SCRN3: variants seen among roughly 807,000 people sequenced by gnomAD.
SCRN3 encodes secernin 3.
SCRN3 carries 39 observed loss-of-function variants against 43.1 expected under a neutral mutation model. The ratio of observed to expected loss-of-function variants is 0.91; its 90% CI spans 0.70 to 1.18. The LOEUF (loss-of-function observed/expected upper bound fraction) is 1.18. Among genes scored for constraint, SCRN3 ranks in the 50% most tolerant of loss-of-function variants. The pLI, the probability that SCRN3 is intolerant of heterozygous loss-of-function variation, is 0.00. For synonymous variants in SCRN3, 147 were observed against 163.1 expected, an observed-to-expected ratio of 0.90 and a Z score of 0.75; for missense variants, 484 against 498.0, an observed-to-expected ratio of 0.97 and a Z score of 0.27.
intron 5 of SCRN3, among the ~76,000 whole-genome samples, chr2:174,413,586 C>CTTTTTTT (rs10524979): frequency 3.3e-5 from 3 of 90,226 alleles, no homozygotes; most frequent in East Asian, 5.0e-4. Flanking sequence ...TTTGTCTTTC[C>CTTTTTTT]TTTTTTTTTT....
At chr2:174,420,418 C>A (rs1686257873) in intron 5 of SCRN3, among the ~76,000 whole-genome samples, 1 of 152,028 alleles carries the variant, frequency 6.6e-6, no homozygotes, top group African/African-American at 2.4e-5. Context: ...TCATGCAGAG[C>A]CTCTGTAAAA....
intron 5 of SCRN3, among the ~76,000 whole-genome samples, chr2:174,419,528 C>T (rs1158504770): frequency 6.6e-6 from 1 of 152,052 alleles, no homozygotes; most frequent in Non-Finnish European, 1.5e-5. Context: ...TACAGGCATG[C>T]ATTACCACAC....
intron 5 of SCRN3, among the ~76,000 whole-genome samples, chr2:174,413,778 A>G (rs1457896361): frequency 1.3e-5 from 2 of 151,574 alleles, no homozygotes; most frequent in East Asian, 3.9e-4. Context: ...TTTAGTAGAG[A>G]TGGGGTTTCA....
chr2:174,415,893 C>T (rs1454767854), intron 5 of SCRN3, among the ~76,000 whole-genome samples: 1 of 152,160 alleles, frequency 6.6e-6, no homozygotes, highest in Admixed American at 6.5e-5. Flanking sequence ...CATCTGCCCA[C>T]CTTGGCCTAT....
intron 3 of SCRN3, 109 bp downstream of exon 3, chr2:174,400,212 A>G (rs1327632580): frequency 2.6e-6 from 2 of 775,110 alleles, no homozygotes. Flanking sequence ...GATACTTTGC[A>G]GTTTGTGTCA....
At chr2:174,400,781 G>T (rs1175860190) in intron 3 of SCRN3, among the ~76,000 whole-genome samples, 1 of 152,214 alleles carries the variant, frequency 6.6e-6, no homozygotes, top group East Asian at 1.9e-4. Flanking sequence ...TACCAACTTC[G>T]AATTTGATAG....
At chr2:174,422,845 A>G (rs1054828881) in intron 5 of SCRN3, 40 bp from the exon 6 acceptor site, 3 of 1,331,554 alleles carry the variant, frequency 2.3e-6, no homozygotes, top group Admixed American at 1.8e-5. Context: ...GCATCCGTAT[A>G]TGCATATGTA....
intron 5 of SCRN3, among the ~76,000 whole-genome samples, chr2:174,420,439 T>G (rs764089335): frequency 5.9e-5 from 9 of 152,074 alleles, no homozygotes; most frequent in Non-Finnish European, 8.8e-5. Flanking sequence ...TTTCATTCAA[T>G]GGAAAGTATC....
intron 3 of SCRN3, 142 bp from the exon 4 acceptor site, chr2:174,400,848 A>T (rs551720118): frequency 3.3e-5 from 23 of 702,994 alleles, no homozygotes; most frequent in Non-Finnish European, 1.8e-5. Context: ...TCAGAAGGAA[A>T]AGTTTTAAAG....
At chr2:174,406,877 AT>A (rs1326006632) in intron 5 of SCRN3, among the ~76,000 whole-genome samples, 7 of 129,688 alleles carry the variant, frequency 5.4e-5, no homozygotes, top group African/African-American at 1.6e-4. Context: ...TTTATTGAGG[AT>A]TTTTGCATCA....
rs905134890 is a variant in SCRN3 at position 174,400,470 on chromosome 2, A to T, written c.341+367A>T. Reference sequence around the variant, plus strand: ...CCTGGCTAATTTTTAATTAAAAAAAATTTTTTTTTCAGAGACTAGGGTCTT... The same window carrying T: ...CCTGGCTAATTTTTAATTAAAAAAATTTTTTTTTTCAGAGACTAGGGTCTT... On this transcript the variant is annotated intron_variant, in intron 3 of 7. Transcript: ENST00000272732. 1.6e-3 allele frequency among the ~76,000 whole-genome samples: 235 copies of T among 151,252 alleles called. 1 individual carries two copies. The highest frequency in any genetic ancestry group is 2.7e-3 in the African/African-American group (113 of 41,154).
chr2:174,396,372 T>C (rs535708592), intron 1 of SCRN3: 25 of 973,248 alleles, frequency 2.6e-5, no homozygotes, highest in Non-Finnish European at 2.7e-5. Flanking sequence ...TAGCTTTCCC[T>C]ACGACCCCAG....
chr2:174,402,867 C>T (rs1007112695), intron 4 of SCRN3, among the ~76,000 whole-genome samples: 3 of 152,074 alleles, frequency 2.0e-5, no homozygotes, highest in African/African-American at 4.8e-5. Flanking sequence ...AAAACATTAT[C>T]GATTTTTGTT....
chr2:174,404,014 A>G (rs1019338460), intron 4 of SCRN3, 89 bp from the exon 5 acceptor site: 2 of 962,848 alleles, frequency 2.1e-6, no homozygotes, highest in Non-Finnish European at 3.1e-6. Flanking sequence ...TTATGTTTAC[A>G]TAGTGATTAG....
chr2:174,412,892 G>C (rs1307969196), intron 5 of SCRN3, among the ~76,000 whole-genome samples: 1 of 143,112 alleles, frequency 7.0e-6, no homozygotes, highest in Non-Finnish European at 1.5e-5. Flanking sequence ...TTTGAGATGG[G>C]GTTTCACTCT....
intron 5 of SCRN3, among the ~76,000 whole-genome samples, chr2:174,410,683 C>G (rs1472782851): frequency 6.6e-6 from 1 of 152,086 alleles, no homozygotes; most frequent in Non-Finnish European, 1.5e-5. Context: ...GCTGCTGCTG[C>G]TGTTATTTAT....
chr2:174,396,028 G>A (rs995787509), intron 1 of SCRN3: 3 of 1,315,322 alleles, frequency 2.3e-6, no homozygotes, highest in African/African-American at 3.0e-5. Flanking sequence ...TGTGGACTCT[G>A]ACTCGAGCTG....
At chr2:174,419,154 G>T (rs1045138855) in intron 5 of SCRN3, among the ~76,000 whole-genome samples, 11 of 152,074 alleles carry the variant, frequency 7.2e-5, no homozygotes, top group African/African-American at 2.7e-4. Context: ...GGGAATAGTT[G>T]GGGGAGAGAT....
chr2:174,403,304 TAAA>T (rs148298936), intron 4 of SCRN3, among the ~76,000 whole-genome samples: 2 of 144,602 alleles, frequency 1.4e-5, no homozygotes, highest in African/African-American at 5.0e-5. Flanking sequence ...GTTTGTCAGT[TAAA>T]AAAAAAAAAC....
Sources: gnomAD v4.1 joint callset for allele counts (sites outside exome capture counted in the v4.1 genomes callset) on GRCh38, gnomAD v4.1.1 for gene constraint, MANE v1.5 for transcripts, NCBI Gene and HGNC (gene_info 2026-07-23, HGNC 2026-07-21) for gene names.